The following ABCB10 variants were observed in gnomAD, a reference collection of about 807,000 sequenced individuals.
ABCB10 encodes ATP-binding cassette sub-family B member 10, mitochondrial.
In ABCB10, 54 loss-of-function variants were observed where a neutral mutation model predicts 65.4. The observed-to-expected ratio is 0.83, with a 90% CI of 0.66 to 1.04. ABCB10 has a LOEUF of 1.04. ABCB10 is among the 50% of genes least tolerant of loss of function. The pLI is 0.00. For synonymous variants in ABCB10, 418 were observed against 406.5 expected (o/e 1.03, Z -0.34); for missense variants, 846 against 976.6 (o/e 0.87, Z 1.78).
chr1:229,540,256 T>C (rs913184772), intron 5 of ABCB10, among the ~76,000 whole-genome samples: 1 of 152,208 alleles, frequency 6.6e-6, no homozygotes, highest in South Asian at 2.1e-4. Flanking sequence ...CAGAATGACC[T>C]GGAAGGCCTG....
At chr1:229,520,794 T>C (rs1662294624) in intron 11 of ABCB10, among the ~76,000 whole-genome samples, 1 of 152,228 alleles carries the variant, frequency 6.6e-6, no homozygotes, top group African/African-American at 2.4e-5. Flanking sequence ...TGAAAGAAGC[T>C]AGATGCCAAA....
At chr1:229,549,515 A>C in intron 1 of ABCB10, 81 bp from the exon 2 acceptor site, 1 of 1,341,408 alleles carries the variant, frequency 7.5e-7, no homozygotes. Flanking sequence ...CTTCCTTGCC[A>C]AATAAGCTGT....
At chr1:229,533,908 T>A (rs546788590) in intron 6 of ABCB10, among the ~76,000 whole-genome samples, 1 of 152,080 alleles carries the variant, frequency 6.6e-6, no homozygotes, top group Non-Finnish European at 1.5e-5. Context: ...AAAGGTACAA[T>A]CCATGAAAGA....
intron 6 of ABCB10, among the ~76,000 whole-genome samples, chr1:229,535,937 G>A (rs1308253852): frequency 6.6e-6 from 1 of 152,040 alleles, no homozygotes; most frequent in African/African-American, 2.4e-5. Context: ...TGTTGGCCAG[G>A]CTGGTCTCGA....
chr1:229,533,667 G>A (rs1272780893), intron 6 of ABCB10, among the ~76,000 whole-genome samples: 1 of 152,190 alleles, frequency 6.6e-6, no homozygotes, highest in African/African-American at 2.4e-5. Flanking sequence ...GCAATACAAT[G>A]GAGATGCAAC....
intron 3 of ABCB10, among the ~76,000 whole-genome samples, chr1:229,544,101 C>A (rs1182227385): frequency 6.6e-6 from 1 of 152,140 alleles, no homozygotes; most frequent in East Asian, 1.9e-4. Flanking sequence ...GGTGCTGGCA[C>A]CATAATGAAG....
In ABCB10 at chr1:229,558,361, C is replaced by G; in HGVS notation, c.292G>C (p.Gly98Arg). 1.6e-6 allele frequency: 2 copies of G among 1,251,458 alleles called. No individual in the cohort carries two copies. The highest frequency in any genetic ancestry group is 2.0e-6 in the Non-Finnish European group (2 of 986,700). The allele number at this position is 1,251,458 out of a possible 1,614,324, so 77.5% of individuals were successfully genotyped here. ...GCAAAAGCCCCGCACCTGCAGCTGC[C>G]GGGGCCGCGAGCCCACAGCCCCAGG... ...RLLGLWARGP[G>R]SCRCGAFAGP... The change falls in exon 1 of 13, where the codon GGC (glycine) becomes CGC (arginine). Residue 98 changes from glycine (G) to arginine (R), a missense_variant. Coordinates refer to ENST00000344517, the MANE Select transcript of ABCB10 (RefSeq NM_012089.3).
chr1:229,551,815 C>A (rs998654506), intron 1 of ABCB10, among the ~76,000 whole-genome samples: 1 of 152,228 alleles, frequency 6.6e-6, no homozygotes, highest in African/African-American at 2.4e-5. Context: ...GTCATCCTGG[C>A]AAATTCAGGA....
At chr1:229,552,981 G>A (rs1488121563) in intron 1 of ABCB10, among the ~76,000 whole-genome samples, 1 of 152,210 alleles carries the variant, frequency 6.6e-6, no homozygotes, top group African/African-American at 2.4e-5. Flanking sequence ...CTGGCAGGAT[G>A]GAGCAGGGGC....
In ABCB10 at chr1:229,527,210, T is replaced by C. The variant is rs751263152; in HGVS notation, c.1725+19A>G. On this transcript the variant is annotated intron_variant, in intron 9 of 12. Transcript: ENST00000344517. The stretch of plus-strand genomic sequence containing the variant: ...ATTTTAAAAGAAAGTGAAATAGAAA[T>C]GGAAGCCTCTCTTCTTACCTGACTC... 1.9e-6 allele frequency: 3 copies of C among 1,583,334 alleles called. No individual in the cohort carries two copies. Among genetic ancestry groups the C allele is most frequent in the African/African-American group, 1.4e-5 (1 of 72,226 alleles).
chr1:229,518,948 G>A, intron 11 of ABCB10, 73 bp from the exon 12 acceptor site: 1 of 1,294,628 alleles, frequency 7.7e-7, no homozygotes, highest in Non-Finnish European at 1.1e-6. Flanking sequence ...AATAAAAAAG[G>A]AATAAAATTC....
At chr1:229,528,866 A>G (rs952221274) in intron 8 of ABCB10, among the ~76,000 whole-genome samples, 2 of 152,134 alleles carry the variant, frequency 1.3e-5, no homozygotes, top group African/African-American at 4.8e-5. Context: ...ATTTTTACTA[A>G]GAGTTGTTTG....
intron 3 of ABCB10, among the ~76,000 whole-genome samples, chr1:229,543,190 A>G (rs1470149183): frequency 6.6e-6 from 1 of 151,896 alleles, no homozygotes; most frequent in Non-Finnish European, 1.5e-5. Context: ...CTTGGAGGAC[A>G]CAACTAACAA....
At position 229,558,130 on chromosome 1, in the gene ABCB10, CCCTA is replaced by C. The variant is rs2102715781; in HGVS notation, c.517+2_517+5del. On this transcript the variant is annotated splice_donor_variant and splice_donor_5th_base_variant and intron_variant, in intron 1 of 12. Transcript: ENST00000344517. LOFTEE classifies it high-confidence loss of function. ...GGCGGAGGGAAGTGGCCGGGGAGGA[CCCTA>C]CCTGCCAGCCTCCGGCGCTCAGGGT... The C allele has an allele frequency of 1.4e-6, 2 of 1,392,838 alleles. No homozygotes were observed. The highest frequency in any genetic ancestry group is 1.9e-6 in the Non-Finnish European group (2 of 1,076,564). 86.3% of individuals were successfully genotyped at this position (1,392,838 alleles called of 1,614,324 possible).
At chr1:229,523,437 T>C (rs1662361771) in intron 10 of ABCB10, among the ~76,000 whole-genome samples, 1 of 152,216 alleles carries the variant, frequency 6.6e-6, no homozygotes, top group Non-Finnish European at 1.5e-5. Flanking sequence ...TTTTATTTCA[T>C]ATAAGAGAGG....
At chr1:229,536,169 T>C (rs531456560) in intron 6 of ABCB10, among the ~76,000 whole-genome samples, 1 of 152,080 alleles carries the variant, frequency 6.6e-6, no homozygotes, top group African/African-American at 2.4e-5. Flanking sequence ...TGGTATTAAT[T>C]TTTAAAAAGA....
At chr1:229,531,465 CACCCCCTCTCATAGAAAACCTG>C (rs1260344273) in intron 7 of ABCB10, among the ~76,000 whole-genome samples, 149 bp downstream of exon 7, 1 of 152,152 alleles carries the variant, frequency 6.6e-6, no homozygotes, top group African/African-American at 2.4e-5. Flanking sequence ...GCAGCTGTCC[CACCCCCTCTCATAGAAAACCTG>C]ACCACCTCCT....
rs760185728 is a variant in ABCB10 at position 229,518,228 on chromosome 1, T to C, written c.2168A>G (p.Asn723Ser). 5.0e-6 allele frequency: 8 copies of C among 1,614,146 alleles called. No individual in the cohort carries two copies. The highest frequency in any genetic ancestry group is 6.8e-6 in the Non-Finnish European group (8 of 1,180,010). Reference sequence around the variant, plus strand: ...GTTCATTAGTTTTCTGTATATCCCATTTGGTTTTGAAAGCAGCTCTTCATG... The same window carrying C: ...GTTCATTAGTTTTCTGTATATCCCACTTGGTTTTGAAAGCAGCTCTTCATG... ...GKHEELLSKP[N>S]GIYRKLMNKQ... The change falls in exon 13 of 13, where the codon AAT becomes AGT. Residue 723 changes from asparagine (N) to serine (S), a missense_variant. Transcript: ENST00000344517.
chr1:229,533,573 A>C (rs1171465624), intron 6 of ABCB10, among the ~76,000 whole-genome samples: 1 of 152,248 alleles, frequency 6.6e-6, no homozygotes, highest in Non-Finnish European at 1.5e-5. Flanking sequence ...ACAATGGACT[A>C]AAATTTTTAG....
Sources: allele counts gnomAD v4.1 joint callset (sites outside exome capture counted in the v4.1 genomes callset), GRCh38; gene constraint gnomAD v4.1.1; transcripts MANE v1.5; gene names NCBI Gene and HGNC (gene_info 2026-07-23, HGNC 2026-07-21).